UNK: variants seen among roughly 807,000 people sequenced by gnomAD.
The protein encoded by UNK is unk zinc finger, also known as RING finger protein unkempt homolog.
UNK carries 32 observed loss-of-function variants against 97.6 expected under a neutral mutation model. The observed-to-expected ratio is 0.33, with a 90% CI of 0.25 to 0.44. The LOEUF (loss-of-function observed/expected upper bound fraction) is 0.44. Among genes scored for constraint, UNK ranks in the 20% least tolerant of loss-of-function variants. The probability of loss-of-function intolerance (pLI) is 1.00; values close to 1 mark genes in which losing one functional copy is unlikely to be tolerated. For synonymous variants in UNK, 441 were observed against 461.2 expected (o/e 0.96, Z 0.56); for missense variants, 771 against 1,098.4 (o/e 0.70, Z 4.21).
Position 75,817,657 on chromosome 17 carries a change from C to A in UNK, c.1305+131C>A. On this transcript the variant is annotated intron_variant, in intron 9 of 15. Coordinates refer to ENST00000589666, the MANE Select transcript of UNK (RefSeq NM_001080419.3). The surrounding 1 kb of genome is among the most constrained non-coding windows in gnomAD (Gnocchi z 5.8). ...AGGACTCCACTGTCCTCGGCCTCTT[C>A]AGGACTGAACAGAGGGAGCAGTGTC... is the stretch of plus-strand genomic sequence containing the variant. 1.0e-6 allele frequency: 1 copy of A among 998,210 alleles called. No homozygotes were observed. The highest frequency in any genetic ancestry group is 1.4e-6 in the Non-Finnish European group (1 of 692,456). 61.8% of individuals were successfully genotyped at this position (998,210 alleles called of 1,614,324 possible).
In UNK at chr17:75,795,192, CGTT is replaced by C. The variant is rs375283402; in HGVS notation, c.104+10214_104+10216del. Among the ~76,000 whole-genome samples the C allele has an allele frequency of 3.8e-3, 576 of 152,070 alleles. 8 individuals are homozygous for C. The highest frequency in any genetic ancestry group is 0.024 in the South Asian group (114 of 4,814). On this transcript the variant is annotated intron_variant, in intron 1 of 15. Coordinates refer to ENST00000589666, the MANE Select transcript of UNK (RefSeq NM_001080419.3). ...GACCCATGCAGTTTAGGGCCAAATACGTTGTTGTACAGAAAACAATGTACAAAG... is the reference window on the plus strand; with the variant it reads ...GACCCATGCAGTTTAGGGCCAAATACGTTGTACAGAAAACAATGTACAAAG...
intron 1 of UNK, among the ~76,000 whole-genome samples, chr17:75,786,340 C>T (rs1232144838): frequency 6.6e-6 from 1 of 152,160 alleles, no homozygotes; most frequent in African/African-American, 2.4e-5. Context: ...TCTTTATAAT[C>T]TCTGGTTGCT....
intron 1 of UNK, among the ~76,000 whole-genome samples, chr17:75,804,301 A>G (rs2061890289): frequency 2.0e-5 from 3 of 151,898 alleles, no homozygotes; most frequent in Admixed American, 1.3e-4. Context: ...CAAAAAATAC[A>G]AAAATTAGCC....
intron 14 of UNK, 78 bp downstream of exon 14, chr17:75,822,736 G>T: frequency 1.4e-6 from 2 of 1,420,120 alleles, no homozygotes; most frequent in Non-Finnish European, 1.9e-6. Flanking sequence ...CAGAGTGGGC[G>T]TGGGGTGGGG....
intron 13 of UNK, among the ~76,000 whole-genome samples, 193 bp from the exon 14 acceptor site, chr17:75,822,284 A>G (rs898701098): frequency 1.3e-5 from 2 of 152,192 alleles, no homozygotes; most frequent in Admixed American, 6.5e-5. Flanking sequence ...ACTCAAGGTT[A>G]GGTCTGACTC....
At position 75,809,742 on chromosome 17, in the gene UNK, G is replaced by T; in HGVS notation, c.105-18G>T. 1 of 1,587,172 alleles carries T rather than the reference G, an allele frequency of 6.3e-7. No homozygotes were observed. Among genetic ancestry groups the T allele is most frequent in the Non-Finnish European group, 8.6e-7 (1 of 1,167,430 alleles). On this transcript the variant is annotated intron_variant, in intron 1 of 15. Coordinates refer to ENST00000589666, the MANE Select transcript of UNK (RefSeq NM_001080419.3). ...ATTCTCTGCTCCCGGCCTGCCCCAC[G>T]CGGGGCTCTCTCTGCAGGTACCTGA...
chr17:75,794,638 C>CAAA (rs57508407), intron 1 of UNK, among the ~76,000 whole-genome samples: 12 of 123,512 alleles, frequency 9.7e-5, no homozygotes, highest in Admixed American at 5.0e-4. Flanking sequence ...AACTCCGTCT[C>CAAA]AAAAAAAAAA....
chr17:75,816,225 G>C lies in UNK; in HGVS notation c.962-545G>C, dbSNP rs1360107561. Among the ~76,000 whole-genome samples the C allele has an allele frequency of 1.3e-5, 2 of 152,174 alleles. No homozygotes were observed. The highest frequency in any genetic ancestry group is 4.8e-5 in the African/African-American group (2 of 41,450). On this transcript the variant is annotated intron_variant, in intron 7 of 15. Transcript: ENST00000589666. This position sits in a 1 kb window ranked among gnomAD's most constrained non-coding sequence, Gnocchi z 4.0. The stretch of plus-strand genomic sequence containing the variant: ...AGAGACAGAGCTCCAGTTTGTACCT[G>C]TTAACACCTCTTTCCACCCCAAGAT...
intron 2 of UNK, 104 bp from the exon 3 acceptor site, chr17:75,812,005 AAAC>A (rs149206483): frequency 0.044 from 58,881 of 1,346,070 alleles, 5,009 homozygotes; most frequent in East Asian, 0.36. Context: ...CAAAACAAAC[AAAC>A]AACAACAACA....
chr17:75,802,132 G>A (rs545298007), intron 1 of UNK, among the ~76,000 whole-genome samples: 43 of 151,978 alleles, frequency 2.8e-4, no homozygotes, highest in African/African-American at 1.0e-3. Flanking sequence ...ACAGGAGTGA[G>A]CCACTGCGCC....
At chr17:75,788,338 G>A (rs1300205275) in intron 1 of UNK, among the ~76,000 whole-genome samples, 1 of 151,942 alleles carries the variant, frequency 6.6e-6, no homozygotes, top group Non-Finnish European at 1.5e-5. Context: ...CGCCACCATG[G>A]CTGGCTAATT....
chr17:75,820,786 C>G lies in UNK; in HGVS notation c.1837+678C>G, dbSNP rs533346861. On this transcript the variant is annotated intron_variant, in intron 13 of 15. Transcript: ENST00000589666. ...GCGGGATGGGAAGCACATGGCACCA[C>G]CGCTCTCACTCTCCCCCAGCAGCTG... is the stretch of plus-strand genomic sequence containing the variant. Among the ~76,000 whole-genome samples the G allele has an allele frequency of 5.2e-4, 79 of 152,274 alleles. 1 individual carries two copies. The highest frequency in any genetic ancestry group is 1.0e-4 in the Non-Finnish European group (7 of 68,014).
In UNK at chr17:75,792,100, G is replaced by A. The variant is rs559211981; in HGVS notation, c.104+7116G>A. On this transcript the variant is annotated intron_variant, in intron 1 of 15. Coordinates refer to ENST00000589666, the MANE Select transcript of UNK (RefSeq NM_001080419.3). ...GCCCTGCCACAGCCTGAGCAGCACAGCACACATCTGCAGGCTTTCCTGCCA... is the reference window on the plus strand; with the variant it reads ...GCCCTGCCACAGCCTGAGCAGCACAACACACATCTGCAGGCTTTCCTGCCA... 17 of 973,942 alleles carry A rather than the reference G, an allele frequency of 1.7e-5. No individual in the cohort carries two copies. In the East Asian group the frequency reaches 1.5e-3, roughly 85 times the overall value. The allele number at this position is 973,942 out of a possible 1,614,324, so 60.3% of individuals were successfully genotyped here.
rs1043013201 is a variant in UNK at position 75,816,630 on chromosome 17, A to G, written c.962-140A>G. ...CCTGGCACACAGTAAATGCACAGAC[A>G]TGGTGTTACTAGAGATGTCGTAGGA... On this transcript the variant is annotated intron_variant, in intron 7 of 15. Transcript: ENST00000589666. This position sits in a 1 kb window ranked among gnomAD's most constrained non-coding sequence, Gnocchi z 4.0. 9.3e-7 allele frequency: 1 copy of G among 1,074,012 alleles called. No homozygotes were observed. The highest frequency in any genetic ancestry group is 1.6e-5 in the African/African-American group (1 of 63,246). 66.5% of individuals were successfully genotyped at this position (1,074,012 alleles called of 1,614,324 possible).
intron 1 of UNK, chr17:75,785,216 G>T: frequency 2.0e-6 from 1 of 501,708 alleles, no homozygotes; most frequent in South Asian, 2.8e-5. Flanking sequence ...GAGTGGGGAA[G>T]GCGGGAGCTC....
Position 75,824,491 on chromosome 17 carries a change from T to TATGA in UNK, c.*76_*77insGAAT. On this transcript the variant is annotated 3_prime_UTR_variant, in exon 16 of 16. Transcript: ENST00000589666. This position sits in a 1 kb window ranked among gnomAD's most constrained non-coding sequence, Gnocchi z 4.9. ...TTTAAAGTATATATATATATATGAA[T>TATGA]ATATATATATATGTGTATGTATGTA... 1 of 536,686 alleles carries TATGA rather than the reference T, an allele frequency of 1.9e-6. No individual in the cohort carries two copies. The highest frequency in any genetic ancestry group is 2.5e-6 in the Non-Finnish European group (1 of 394,476). The allele number at this position is 536,686 out of a possible 1,614,324, so 33.2% of individuals were successfully genotyped here. A position where few individuals can be genotyped will look rare whatever the true frequency, so the allele number is the denominator to read the frequency against.
At chr17:75,803,175 C>G (rs879463590) in intron 1 of UNK, among the ~76,000 whole-genome samples, 45 of 119,666 alleles carry the variant, frequency 3.8e-4, no homozygotes, top group South Asian at 7.4e-4. Context: ...AAGGCGGGCA[C>G]ATCATGAGGT....
chr17:75,824,374 G>T lies in UNK; in HGVS notation c.2390G>T (p.Cys797Phe). 1 of 1,572,180 alleles carries T rather than the reference G, an allele frequency of 6.4e-7. No homozygotes were observed. The change falls in exon 16 of 16, where the codon TGC (cysteine) becomes TTC (phenylalanine). Residue 797 changes from cysteine (C) to phenylalanine (F), a missense_variant. Around this residue, in one of 5 missense-constraint regions of UNK, gnomAD observed 208 missense variants for 257.4 expected, o/e 0.81. Transcript: ENST00000589666. This position sits in a 1 kb window ranked among gnomAD's most constrained non-coding sequence, Gnocchi z 4.9. ...GAGCTCTGCGCTGAGGGCAGCGAGT[G>T]CCCCATCTGCCAGCCTGGCCGGGCC... The part of the protein sequence containing the change: ...LCELCAEGSE[C>F]PICQPGRAHT...
In UNK at chr17:75,824,033, C is replaced by T. The variant is rs766314335; in HGVS notation, c.2278-229C>T. ...CTGGGGATTACAAGGTCAAATGAGA[C>T]TGGGCGAAGCCTCTCTGAGGGGTGG... On this transcript the variant is annotated intron_variant, in intron 15 of 15. Coordinates refer to ENST00000589666, the MANE Select transcript of UNK (RefSeq NM_001080419.3). This position sits in a 1 kb window ranked among gnomAD's most constrained non-coding sequence, Gnocchi z 4.9. 3.9e-5 allele frequency among the ~76,000 whole-genome samples: 6 copies of T among 151,972 alleles called. No homozygotes were observed.
Sources: gnomAD v4.1 joint callset for allele counts (sites outside exome capture counted in the v4.1 genomes callset) on GRCh38, gnomAD v4.1.1 for gene constraint, gnomAD v4.1.1 regional missense constraint, Gnocchi (gnomAD v3.1) non-coding constraint, MANE v1.5 for transcripts, NCBI Gene and HGNC (gene_info 2026-07-23, HGNC 2026-07-21) for gene names.